PARP16: variants seen among roughly 807,000 people sequenced by gnomAD.
The protein encoded by PARP16 is protein mono-ADP-ribosyltransferase PARP16.
In PARP16, 31 loss-of-function variants were observed where a neutral mutation model predicts 35.0. The observed-to-expected ratio is 0.88, with a 90% CI of 0.66 to 1.19. The LOEUF is 1.19. Among genes scored for constraint, PARP16 ranks in the 50% most tolerant of loss-of-function variants. PARP16 has a pLI of 0.00. For missense variants in PARP16, 424 were observed against 411.2 expected (o/e 1.03, Z -0.27); for synonymous variants, 162 against 169.5 (o/e 0.96, Z 0.34).
intron 1 of PARP16, among the ~76,000 whole-genome samples, chr15:65,273,791 G>A (rs1300533114): frequency 4.6e-5 from 7 of 150,712 alleles, no homozygotes; most frequent in South Asian, 2.1e-4. Context: ...CAGGAAAGTC[G>A]CTTGAACCCA....
chr15:65,243,024 C>A (rs771438622), intron 3 of PARP16, among the ~76,000 whole-genome samples: 1 of 152,064 alleles, frequency 6.6e-6, no homozygotes, highest in Admixed American at 6.6e-5. Context: ...CCCTCATTTA[C>A]TCATTTTAGG....
In PARP16 at chr15:65,286,831, G is replaced by A. The variant is rs1411166851; in HGVS notation, c.-405C>T. On this transcript the variant is annotated 5_prime_UTR_variant, in exon 1 of 6. Transcript: ENST00000649807. Reference sequence around the variant, plus strand: ...GGGAAGCAGCCCCCGGGGGACGGCGGGCAGAGCCCACTCTCCGCGACGGGC... The same window carrying A: ...GGGAAGCAGCCCCCGGGGGACGGCGAGCAGAGCCCACTCTCCGCGACGGGC... 3 of 175,098 alleles carry A rather than the reference G, an allele frequency of 1.7e-5. No homozygotes were observed. Among genetic ancestry groups the A allele is most frequent in the Admixed American group, 6.3e-5 (1 of 15,804 alleles). 10.8% of individuals were successfully genotyped at this position (175,098 alleles called of 1,614,324 possible).
intron 3 of PARP16, among the ~76,000 whole-genome samples, chr15:65,245,284 C>A (rs772030517): frequency 2.6e-5 from 4 of 152,324 alleles, no homozygotes; most frequent in South Asian, 4.1e-4. Context: ...CATGGAAAGT[C>A]CCCCTCTGGA....
Position 65,270,986 on chromosome 15 carries a change from G to T in PARP16, c.261C>A (p.Ser87Arg), listed in dbSNP as rs746151769. The T allele has an allele frequency of 1.2e-6, 2 of 1,614,094 alleles. No homozygotes were observed. The highest frequency in any genetic ancestry group is 2.2e-5 in the South Asian group (2 of 91,072). ...DNHKRAWDLV[S>R]WILSSKVLTI... is the part of the protein sequence containing the mutation. ...TCAGGACCTTTGAGGATAAAATCCA[G>T]CTCACCAGGTCCCAGGCCCGTTTGT... Residue 87 changes from serine to arginine, a missense_variant, in exon 2 of 6, where the codon AGC (serine) becomes AGA (arginine). Coordinates refer to ENST00000649807, the MANE Select transcript of PARP16 (RefSeq NM_001316943.2).
rs2089609080 is a variant in PARP16, at chr15:65,259,064, T to G, written c.*343A>C. On this transcript the variant is annotated 3_prime_UTR_variant, in exon 6 of 6. Coordinates refer to ENST00000649807, the MANE Select transcript of PARP16 (RefSeq NM_001316943.2). ...AGGGCCAACCTCTGCCAGGAGAGAT[T>G]GTAAACACACCACTGACAGCTTGGA... is the stretch of plus-strand genomic sequence containing the variant. The G allele has an allele frequency of 5.3e-6, 1 of 188,762 alleles. No homozygotes were observed. The highest frequency in any genetic ancestry group is 1.3e-4 in the East Asian group (1 of 7,862). The allele number at this position is 188,762 out of a possible 1,614,324, so 11.7% of individuals were successfully genotyped here. A position where few individuals can be genotyped will look rare whatever the true frequency, so the allele number is the denominator to read the frequency against.
chr15:65,250,411 C>T (rs766998890), intron 2 of PARP16, among the ~76,000 whole-genome samples: 7 of 152,116 alleles, frequency 4.6e-5, no homozygotes, highest in African/African-American at 7.2e-5. Flanking sequence ...AGCCACTGTG[C>T]CTGGCCATGC....
At chr15:65,276,930 C>T (rs370496770) in intron 1 of PARP16, among the ~76,000 whole-genome samples, 23 of 151,050 alleles carry the variant, frequency 1.5e-4, no homozygotes, top group African/African-American at 3.9e-4. Flanking sequence ...CGCAGTGAAC[C>T]GAGATCACGC....
rs2304896 is a variant in PARP16 at position 65,260,908 on chromosome 15, C to T, written c.810G>A (p.Val270=). The change falls in exon 5 of 6, where the codon GTG becomes GTA. Residue 270 remains valine (V), a synonymous_variant. Coordinates refer to ENST00000649807, the MANE Select transcript of PARP16 (RefSeq NM_001316943.2). ...ACCTCTTGGGTGGCTTCTGTGAATA[C>T]ACCAGGAGGTACTTCACTCGCAGCA... is the stretch of plus-strand genomic sequence containing the variant. ...NQLLRVKYLL[V]YSQKPPKRAS... 457,374 of 1,612,538 alleles carry T rather than the reference C, an allele frequency of 0.28. 67,438 individuals are homozygous for T. The highest frequency in any genetic ancestry group is 0.39 in the Admixed American group (23,506 of 59,994).
At chr15:65,245,333 G>A (rs937306401) in intron 3 of PARP16, among the ~76,000 whole-genome samples, 121 of 152,296 alleles carry the variant, frequency 7.9e-4, no homozygotes, top group African/African-American at 2.8e-3. Flanking sequence ...GGTAGGACAC[G>A]TTGCCACTAT....
At chr15:65,254,218 C>T (rs944443506), downstream of PARP16, among the ~76,000 whole-genome samples, 5 of 152,162 alleles carry the variant, frequency 3.3e-5, no homozygotes, top group East Asian at 1.9e-4. Flanking sequence ...AGTATATGGA[C>T]ACTACAGCAG....
chr15:65,273,289 A>AAAAAAAAAAAAAAAAAAAG (rs2090148210), intron 1 of PARP16, among the ~76,000 whole-genome samples: 1 of 149,424 alleles, frequency 6.7e-6, no homozygotes, highest in Non-Finnish European at 1.5e-5. Flanking sequence ...AAAAAAAAAA[A>AAAAAAAAAAAAAAAAAAAG]AAAAAGAATA....
downstream of PARP16, chr15:65,234,361 G>C (rs1360455761): frequency 6.6e-6 from 1 of 152,216 alleles, no homozygotes; most frequent in East Asian, 1.9e-4. Context: ...GGGTGAGCTT[G>C]AGTTTCTGAA....
At chr15:65,249,694 G>A (rs1431178175) in intron 2 of PARP16, among the ~76,000 whole-genome samples, 15 of 152,244 alleles carry the variant, frequency 9.9e-5, no homozygotes, top group Admixed American at 9.8e-4. Context: ...TTGGCTGCCA[G>A]CAGCCCCTGG....
chr15:65,285,427 C>T (rs577202300), intron 1 of PARP16: 40 of 257,734 alleles, frequency 1.6e-4, no homozygotes, highest in Middle Eastern at 1.5e-3. Context: ...GCATGAGCCA[C>T]CGAGCCTGGC....
chr15:65,234,545 A>G (rs2088827934), exon 4 of PARP16: 1 of 152,202 alleles, frequency 6.6e-6, no homozygotes, highest in Non-Finnish European at 1.5e-5. Context: ...AACATATCAT[A>G]TGTAAACTTA....
At chr15:65,246,317 C>T (rs2089207439) in intron 3 of PARP16, among the ~76,000 whole-genome samples, 1 of 152,172 alleles carries the variant, frequency 6.6e-6, no homozygotes, top group Non-Finnish European at 1.5e-5. Flanking sequence ...ATCTCCGGAC[C>T]GCCCCCAACT....
intron 3 of PARP16, among the ~76,000 whole-genome samples, chr15:65,245,650 C>A (rs2089191121): frequency 1.3e-5 from 2 of 152,156 alleles, no homozygotes. Flanking sequence ...GAGCTTCCAT[C>A]CTGCTCACTG....
At chr15:65,285,432 C>T in intron 1 of PARP16, 1 of 288,884 alleles carries the variant, frequency 3.5e-6, no homozygotes, top group Non-Finnish European at 6.9e-6. Context: ...AGCCACCGAG[C>T]CTGGCCCCTC....
At chr15:65,280,532 T>C (rs893074264) in intron 1 of PARP16, among the ~76,000 whole-genome samples, 1 of 151,528 alleles carries the variant, frequency 6.6e-6, no homozygotes, top group Non-Finnish European at 1.5e-5. Context: ...ATGATTAATG[T>C]AGAAGGATGT....
Sources: gnomAD v4.1 joint callset for allele counts (sites outside exome capture counted in the v4.1 genomes callset) on GRCh38, gnomAD v4.1.1 for gene constraint, MANE v1.5 for transcripts, NCBI Gene and HGNC (gene_info 2026-07-23, HGNC 2026-07-21) for gene names.